Variants in PSD3 observed in about 807,000 individuals in gnomAD.
The protein encoded by PSD3 is pleckstrin and Sec7 domain containing 3.
In PSD3, 49 loss-of-function variants were observed where a neutral mutation model predicts 105.5. The observed-to-expected ratio is 0.46, with a 90% CI of 0.37 to 0.59. The LOEUF (loss-of-function observed/expected upper bound fraction) is 0.59, where lower values mean the gene tolerates loss of function less well. PSD3 is among the 20% of genes least tolerant of loss of function. PSD3 has a pLI of 0.00. For synonymous variants in PSD3, 557 were observed against 457.8 expected, an observed-to-expected ratio of 1.22 and a Z score of -2.77; for missense variants, 1,561 against 1,263.8, an observed-to-expected ratio of 1.24 and a Z score of -3.57.
chr8:19,044,045 A>G (rs1828227811), intron 1 of PSD3, among the ~76,000 whole-genome samples: 1 of 152,134 alleles, frequency 6.6e-6, no homozygotes, highest in African/African-American at 2.4e-5. Flanking sequence ...GCCTGCCCCT[A>G]CTGCACAGGC....
At chr8:18,824,052 G>A (rs2046957) in intron 4 of PSD3, among the ~76,000 whole-genome samples, 5,872 of 151,982 alleles carry the variant, frequency 0.039, 122 homozygotes, top group Admixed American at 0.069. Context: ...ACATGTCTGT[G>A]GTCCTGCCTA....
intron 2 of PSD3, among the ~76,000 whole-genome samples, chr8:18,873,537 A>G (rs1817532211): frequency 6.6e-6 from 1 of 152,172 alleles, no homozygotes; most frequent in African/African-American, 2.4e-5. Flanking sequence ...AAGCTAATTA[A>G]CAACATACCA....
At chr8:18,731,906 T>C (rs1474723380) in intron 9 of PSD3, among the ~76,000 whole-genome samples, 1 of 152,142 alleles carries the variant, frequency 6.6e-6, no homozygotes, top group Non-Finnish European at 1.5e-5. Context: ...TGCCCATCAG[T>C]GAGTAGGATG....
intron 2 of PSD3, among the ~76,000 whole-genome samples, chr8:18,891,241 T>C (rs1055880462): frequency 2.0e-5 from 3 of 152,204 alleles, no homozygotes; most frequent in Non-Finnish European, 2.9e-5. Context: ...TATTGAATAT[T>C]TAAATTTTTA....
At chr8:18,564,701 G>A (rs12681068) in intron 14 of PSD3, among the ~76,000 whole-genome samples, 24,873 of 151,354 alleles carry the variant, frequency 0.16, 2,278 homozygotes, top group East Asian at 0.37. Flanking sequence ...GAAATGGGTG[G>A]GTGGGGGCGC....
At chr8:18,810,572 G>C (rs1023006562) in intron 4 of PSD3, among the ~76,000 whole-genome samples, 1 of 151,944 alleles carries the variant, frequency 6.6e-6, no homozygotes, top group African/African-American at 2.4e-5. Context: ...ATGTAATTGT[G>C]GTAATAAAAC....
chr8:18,841,796 G>C (rs1187280819), intron 4 of PSD3, among the ~76,000 whole-genome samples: 1 of 152,100 alleles, frequency 6.6e-6, no homozygotes. Flanking sequence ...ATTCCACCTG[G>C]GGGAGAAGCC....
At chr8:18,624,193 C>T (rs1806320485) in intron 11 of PSD3, among the ~76,000 whole-genome samples, 1 of 152,082 alleles carries the variant, frequency 6.6e-6, no homozygotes, top group African/African-American at 2.4e-5. Flanking sequence ...CAACTGCTTT[C>T]TGAAGTACAA....
chr8:18,767,752 C>T (rs1807141468), intron 8 of PSD3, among the ~76,000 whole-genome samples: 1 of 151,550 alleles, frequency 6.6e-6, no homozygotes, highest in African/African-American at 2.4e-5. Context: ...CGTCTCAAAA[C>T]AGATAAATAA....
chr8:18,672,391 C>G (rs950132423), intron 9 of PSD3, among the ~76,000 whole-genome samples: 1 of 151,970 alleles, frequency 6.6e-6, no homozygotes, highest in African/African-American at 2.4e-5. Context: ...GAGAGAATGC[C>G]AGGCCTGGCA....
intron 2 of PSD3, among the ~76,000 whole-genome samples, chr8:18,920,525 A>G (rs1313666041): frequency 1.3e-5 from 2 of 152,218 alleles, no homozygotes; most frequent in African/African-American, 4.8e-5. Context: ...AACAACTTTT[A>G]GTAAATTTGC....
Position 19,025,086 on chromosome 8 carries a change from T to C in PSD3, c.324+59120A>G, listed in dbSNP as rs926338033. On this transcript the variant is annotated intron_variant, in intron 1 of 1. Coordinates refer to the PSD3 transcript ENST00000521475. ...AAGAGCTGCATATACTAGGGACCAA[T>C]AAGACCCTGAAAAGCAGGATGAGGG... Among the ~76,000 whole-genome samples the C allele has an allele frequency of 3.9e-5, 6 of 151,994 alleles. No homozygotes were observed. In the Middle Eastern group the frequency reaches 9.5e-3, roughly 240 times the overall value.
intron 4 of PSD3, among the ~76,000 whole-genome samples, chr8:18,828,507 A>G (rs1266303311): frequency 6.6e-6 from 1 of 152,128 alleles, no homozygotes; most frequent in Non-Finnish European, 1.5e-5. Context: ...TACGATGAAA[A>G]GTCAAACTAC....
intron 1 of PSD3, among the ~76,000 whole-genome samples, chr8:19,072,461 G>A (rs1003332010): frequency 1.3e-5 from 2 of 152,180 alleles, no homozygotes; most frequent in African/African-American, 4.8e-5. Flanking sequence ...TGCAGTGGAT[G>A]ATGAATTTAT....
chr8:18,611,394 C>G (rs1417306058), intron 11 of PSD3, among the ~76,000 whole-genome samples: 1 of 152,094 alleles, frequency 6.6e-6, no homozygotes, highest in African/African-American at 2.4e-5. Context: ...GCAAGACAGC[C>G]TAAGAACAAC....
intron 12 of PSD3, among the ~76,000 whole-genome samples, chr8:18,593,335 AAAG>A (rs1223431638): frequency 1.3e-5 from 2 of 152,240 alleles, no homozygotes; most frequent in African/African-American, 2.4e-5. Flanking sequence ...ACACTTCTCA[AAAG>A]AAGACATTTA....
chr8:18,828,949 A>G (rs1813448267), intron 4 of PSD3, among the ~76,000 whole-genome samples: 1 of 152,194 alleles, frequency 6.6e-6, no homozygotes, highest in African/African-American at 2.4e-5. Flanking sequence ...AAATGAAAAT[A>G]TAAAATTCAG....
At chr8:18,783,930 A>G (rs1180895095) in intron 8 of PSD3, among the ~76,000 whole-genome samples, 1 of 152,166 alleles carries the variant, frequency 6.6e-6, no homozygotes, top group Non-Finnish European at 1.5e-5. Context: ...ACCGGCCAAC[A>G]TATTTTTATT....
At chr8:18,697,257 C>A (rs1171934065) in intron 9 of PSD3, among the ~76,000 whole-genome samples, 1 of 152,050 alleles carries the variant, frequency 6.6e-6, no homozygotes, top group East Asian at 1.9e-4. Context: ...TGAGTGGCGA[C>A]AATACTGGGT....
Sources: gnomAD v4.1 joint callset for allele counts (sites outside exome capture counted in the v4.1 genomes callset) on GRCh38, gnomAD v4.1.1 for gene constraint, MANE v1.5 for transcripts, NCBI Gene and HGNC (gene_info 2026-07-23, HGNC 2026-07-21) for gene names.